The following PRRC2B variants were observed in gnomAD, a reference collection of about 807,000 sequenced individuals.
PRRC2B encodes the protein proline rich coiled-coil 2B.
Under a neutral mutation model 242.3 loss-of-function variants are expected in PRRC2B, and 68 were observed. The ratio of observed to expected loss-of-function variants is 0.28; its 90% CI spans 0.23 to 0.34. PRRC2B has a LOEUF of 0.34. Ranked by LOEUF, PRRC2B falls within the 10% of genes least tolerant of loss-of-function variation. PRRC2B has a pLI of 1.00. For missense variants in PRRC2B, 2,835 were observed against 2,954.8 expected (o/e 0.96, Z 0.94); for synonymous variants, 1,228 against 1,173.6 (o/e 1.05, Z -0.95).
At chr9:131,483,502 G>C in intron 23 of PRRC2B, 57 bp downstream of exon 23, 1 of 1,466,180 alleles carries the variant, frequency 6.8e-7, no homozygotes, top group Admixed American at 1.7e-5. Context: ...GCAGGCCCTG[G>C]GTGAAGGAGA....
rs1385235903 is a variant in PRRC2B at position 131,494,779 on chromosome 9, G to A, written c.6555+293G>A. Among the ~76,000 whole-genome samples, 1 of 152,210 alleles carries A rather than the reference G, an allele frequency of 6.6e-6. No homozygotes were observed. Among genetic ancestry groups the A allele is most frequent in the Non-Finnish European group, 1.5e-5 (1 of 68,042 alleles). On this transcript the variant is annotated intron_variant, in intron 31 of 31. Transcript: ENST00000683519. The surrounding 1 kb of genome is among the most constrained non-coding windows in gnomAD (Gnocchi z 4.3). ...CCAGCCCTGGCAGGTCGGGGCTGAG[G>A]CGCCCTGGGAGACTCGGTTAGGTTT...
chr9:131,395,212 T>C (rs1048643395), intron 1 of PRRC2B, among the ~76,000 whole-genome samples: 1 of 152,066 alleles, frequency 6.6e-6, no homozygotes, highest in African/African-American at 2.4e-5. Context: ...CTAAATGGCT[T>C]CCTGGGAGAA....
chr9:131,430,403 C>T, intron 2 of PRRC2B, 144 bp downstream of exon 2: 1 of 557,960 alleles, frequency 1.8e-6, no homozygotes, highest in South Asian at 2.7e-5. Context: ...TCTCTACTTC[C>T]TACTTGAGGT....
At position 131,498,281 on chromosome 9, in the gene PRRC2B, A is replaced by G. The variant is rs1944383543; in HGVS notation, c.*2407A>G. 1.3e-5 allele frequency: 2 copies of G among 152,192 alleles called. No individual in the cohort carries two copies. The highest frequency in any genetic ancestry group is 4.1e-4 in the South Asian group (2 of 4,832). The allele number at this position is 152,192 out of a possible 1,614,324, so 9.4% of individuals were successfully genotyped here. A position where few individuals can be genotyped will look rare whatever the true frequency, so the allele number is the denominator to read the frequency against. On this transcript the variant is annotated 3_prime_UTR_variant, in exon 32 of 32. Transcript: ENST00000683519. Reference sequence around the variant, plus strand: ...TGTTGTAGGTCTAGGTGAAAAAAAAAGAAGTAAATGTTTCACTGCTCTATT... The same window carrying G: ...TGTTGTAGGTCTAGGTGAAAAAAAAGGAAGTAAATGTTTCACTGCTCTATT...
rs771120179 is a variant in PRRC2B, at chr9:131,473,673, C to T, written c.2273C>T (p.Pro758Leu). The part of the protein sequence containing the change: ...GYMALQSKGY[P>L]LPHPKSSDTL... Reference sequence around the variant, plus strand: ...ATGGCACTGCAGAGCAAGGGCTACCCGCTCCCGCACCCGAAGTCGAGTGAC... The same window carrying T: ...ATGGCACTGCAGAGCAAGGGCTACCTGCTCCCGCACCCGAAGTCGAGTGAC... Residue 758 changes from proline (P) to leucine (L), a missense_variant, in exon 15 of 32, where the codon CCG (proline) becomes CTG (leucine). Transcript: ENST00000683519. 9 of 1,613,622 alleles carry T rather than the reference C, an allele frequency of 5.6e-6. No individual in the cohort carries two copies. The highest frequency in any genetic ancestry group is 2.2e-5 in the East Asian group (1 of 44,888).
Position 131,494,487 on chromosome 9 carries a change from G to A in PRRC2B, c.6555+1G>A. 6.4e-7 allele frequency: 1 copy of A among 1,562,746 alleles called. No individual in the cohort carries two copies. ...TGTGCAGGGACACTACGTGCAACAG[G>A]TAGAAGATGGCTTTCCAGACCCTTC... On this transcript the variant is annotated splice_donor_variant, in intron 31 of 31. Coordinates refer to ENST00000683519, the MANE Select transcript of PRRC2B (RefSeq NM_013318.4). LOFTEE classifies it high-confidence loss of function. This position sits in a 1 kb window ranked among gnomAD's most constrained non-coding sequence, Gnocchi z 4.3.
chr9:131,376,620 C>T (rs572987420), intron 1 of PRRC2B, among the ~76,000 whole-genome samples: 32 of 152,250 alleles, frequency 2.1e-4, no homozygotes, highest in African/African-American at 7.5e-4. Context: ...CTTGTTAACA[C>T]AACTGGAAGT....
intron 1 of PRRC2B, among the ~76,000 whole-genome samples, chr9:131,399,422 A>G (rs1837163775): frequency 6.6e-6 from 1 of 151,928 alleles, no homozygotes; most frequent in Admixed American, 6.6e-5. Context: ...TACTAAAAAT[A>G]CAAAAAATTA....
At chr9:131,384,315 C>G (rs1836801839) in intron 1 of PRRC2B, among the ~76,000 whole-genome samples, 1 of 151,428 alleles carries the variant, frequency 6.6e-6, no homozygotes, top group Admixed American at 6.6e-5. Flanking sequence ...TGGAGTCTCA[C>G]TCTGTCACCC....
Position 131,476,445 on chromosome 9 carries a change from G to C in PRRC2B, c.4316G>C (p.Gly1439Ala). 1 of 1,613,142 alleles carries C rather than the reference G, an allele frequency of 6.2e-7. No homozygotes were observed. Among genetic ancestry groups the C allele is most frequent in the East Asian group, 2.2e-5 (1 of 44,874 alleles). The part of the protein sequence containing the change: ...DRQSRKLEPG[G>A]FGEKPVRPGG... ...CAGAGCCGAAAGCTGGAGCCGGGAG[G>C]GTTTGGGGAGAAGCCCGTTAGGCCA... The change falls in exon 16 of 32, where the codon GGG becomes GCG. Residue 1439 changes from glycine (G) to alanine (A), a missense_variant. By Grantham distance (60) the Gly-to-Ala change is moderately conservative. This residue lies in a region of PRRC2B where 1,536 missense variants were observed against 1,483.1 expected (regional missense o/e 1.04). Coordinates refer to ENST00000683519, the MANE Select transcript of PRRC2B (RefSeq NM_013318.4).
In PRRC2B at chr9:131,396,692, A is replaced by G. The variant is rs1373196165; in HGVS notation, c.-52+2429A>G. Among the ~76,000 whole-genome samples the G allele has an allele frequency of 2.6e-5, 4 of 151,714 alleles. No individual in the cohort carries two copies. In the East Asian group the frequency reaches 5.8e-4, roughly 22 times the overall value. ...ATGGAACTGTGACTTCCCCACCCCA[A>G]ATTCTATGGCCGGCTAATGTTTTGC... On this transcript the variant is annotated intron_variant, in intron 1 of 31. Coordinates refer to ENST00000683519, the MANE Select transcript of PRRC2B (RefSeq NM_013318.4).
chr9:131,452,749 AT>A (rs1470416979), intron 9 of PRRC2B, among the ~76,000 whole-genome samples: 1 of 152,142 alleles, frequency 6.6e-6, no homozygotes, highest in East Asian at 1.9e-4. Context: ...TTACGGGGAC[AT>A]TTCTAGATTG....
Position 131,491,455 on chromosome 9 carries a change from G to A in PRRC2B, c.6256G>A (p.Gly2086Arg), listed in dbSNP as rs200920758. 3.5e-5 allele frequency: 57 copies of A among 1,609,352 alleles called. No individual in the cohort carries two copies. Among genetic ancestry groups the A allele is most frequent in the Middle Eastern group, 1.7e-4 (1 of 6,050 alleles). Reference protein sequence around the residue: ...LTMPLPRYGSGQQPLILPQSI... With the variant: ...LTMPLPRYGSRQQPLILPQSI... ...CATGCCACTGCCTCGGTACGGCTCC[G>A]GGCAGCAGCCACTGATCCTGCCCCA... Residue 2086 changes from glycine to arginine, a missense_variant, in exon 29 of 32, where the codon GGG becomes AGG. Around this residue, in one of 7 missense-constraint regions of PRRC2B, gnomAD observed 574 missense variants for 626.0 expected, o/e 0.92. Coordinates refer to ENST00000683519, the MANE Select transcript of PRRC2B (RefSeq NM_013318.4).
intron 1 of PRRC2B, among the ~76,000 whole-genome samples, chr9:131,411,470 C>G (rs1243458837): frequency 6.6e-6 from 1 of 150,886 alleles, no homozygotes; most frequent in Non-Finnish European, 1.5e-5. Context: ...CCTCAGCCTC[C>G]CGAGTAGCTG....
intron 1 of PRRC2B, among the ~76,000 whole-genome samples, chr9:131,377,758 T>C (rs1308582579): frequency 1.3e-5 from 2 of 152,126 alleles, no homozygotes; most frequent in Non-Finnish European, 2.9e-5. Context: ...TTTTGTTTAT[T>C]TGTTTGTTTT....
At chr9:131,481,856 G>T (rs1275464789) in intron 20 of PRRC2B, 48 bp downstream of exon 20, 1 of 1,492,002 alleles carries the variant, frequency 6.7e-7, no homozygotes, top group South Asian at 1.2e-5. Flanking sequence ...GAGTGTGTGA[G>T]TGTGTGCTCA....
At chr9:131,483,513 C>A in intron 23 of PRRC2B, 68 bp downstream of exon 23, 2 of 1,378,038 alleles carry the variant, frequency 1.5e-6, no homozygotes, top group Non-Finnish European at 2.1e-6. Context: ...GTGAAGGAGA[C>A]AGCACATGTA....
intron 25 of PRRC2B, 32 bp downstream of exon 25, chr9:131,485,172 C>T (rs1170278110): frequency 6.7e-7 from 1 of 1,490,250 alleles, no homozygotes; most frequent in African/African-American, 1.4e-5. Context: ...GCCTTGGGGT[C>T]CTTCTCCATT....
chr9:131,402,005 A>G (rs1236997752), intron 1 of PRRC2B, among the ~76,000 whole-genome samples: 2 of 149,368 alleles, frequency 1.3e-5, no homozygotes, highest in African/African-American at 5.0e-5. Flanking sequence ...GAGTCTCGTT[A>G]TGTCTCCCAG....
Sources: allele counts gnomAD v4.1 joint callset (sites outside exome capture counted in the v4.1 genomes callset), GRCh38; gene constraint gnomAD v4.1.1; regional missense constraint gnomAD v4.1.1; non-coding constraint Gnocchi (gnomAD v3.1); transcripts MANE v1.5; gene names NCBI Gene and HGNC (gene_info 2026-07-23, HGNC 2026-07-21).